Variants in LINGO1 observed in about 807,000 individuals in gnomAD.
The protein encoded by LINGO1 is leucine rich repeat and Ig domain containing 1, also known as leucine-rich repeat and immunoglobulin-like domain-containing nogo receptor-interacting protein 1.
In LINGO1, 11 loss-of-function variants were observed where a neutral mutation model predicts 37.3. The observed-to-expected ratio is 0.29, with a 90% CI of 0.19 to 0.49. LINGO1 has a LOEUF of 0.49. Among genes scored for constraint, LINGO1 ranks in the 20% least tolerant of loss-of-function variants. The pLI, the probability that LINGO1 is intolerant of heterozygous loss-of-function variation, is 0.99. For missense variants in LINGO1, 585 were observed against 878.2 expected, an observed-to-expected ratio of 0.67 and a Z score of 4.22; for synonymous variants, 387 against 403.0, an observed-to-expected ratio of 0.96 and a Z score of 0.48.
At chr15:77,644,983 G>A (rs968594018) in intron 3 of LINGO1, among the ~76,000 whole-genome samples, 19 of 152,182 alleles carry the variant, frequency 1.2e-4, no homozygotes, top group Non-Finnish European at 4.4e-5. Flanking sequence ...TCAAAACATG[G>A]GCGTTTACAC....
chr15:77,803,324 T>C (rs1201337816), intron 1 of LINGO1, among the ~76,000 whole-genome samples: 1 of 152,044 alleles, frequency 6.6e-6, no homozygotes, highest in African/African-American at 2.4e-5. Context: ...GGCACACACC[T>C]CTAGTCCCAG....
chr15:77,656,335 CCTT>C (rs142102783), intron 3 of LINGO1, among the ~76,000 whole-genome samples: 2 of 152,286 alleles, frequency 1.3e-5, no homozygotes, highest in South Asian at 2.1e-4. Flanking sequence ...CTCTCTCCCT[CCTT>C]GTCTTTTTCC....
chr15:77,772,996 G>C (rs1342002806), intron 1 of LINGO1, among the ~76,000 whole-genome samples: 1 of 152,172 alleles, frequency 6.6e-6, no homozygotes, highest in African/African-American at 2.4e-5. Flanking sequence ...AGCCTCACCT[G>C]GTCTATGGGC....
chr15:77,665,377 C>A (rs1331472803), intron 3 of LINGO1, among the ~76,000 whole-genome samples: 3 of 152,162 alleles, frequency 2.0e-5, no homozygotes, highest in Admixed American at 1.3e-4. Context: ...ACCCCAACAT[C>A]CTGCTAGAGG....
intron 2 of LINGO1, among the ~76,000 whole-genome samples, chr15:77,704,128 G>T (rs550148696): frequency 6.6e-6 from 1 of 152,258 alleles, no homozygotes; most frequent in Non-Finnish European, 1.5e-5. Flanking sequence ...AGTCCACAGG[G>T]TGCCTCACAC....
chr15:77,618,304 C>T (rs1408910369), intron 1 of LINGO1, among the ~76,000 whole-genome samples: 1 of 152,206 alleles, frequency 6.6e-6, no homozygotes, highest in African/African-American at 2.4e-5. Context: ...CGGGCCTCAA[C>T]CTGCCCACCC....
chr15:77,696,779 A>T (rs2075700976), upstream of LINGO1, among the ~76,000 whole-genome samples: 1 of 151,758 alleles, frequency 6.6e-6, no homozygotes, highest in Non-Finnish European at 1.5e-5. Flanking sequence ...AGCAGAACCG[A>T]CCCCTCTTCA....
chr15:77,748,500 G>A (rs755194833), intron 1 of LINGO1, among the ~76,000 whole-genome samples: 1 of 152,168 alleles, frequency 6.6e-6, no homozygotes, highest in East Asian at 1.9e-4. Context: ...GCCTCTGGGC[G>A]TGGCCAACCC....
intron 3 of LINGO1, among the ~76,000 whole-genome samples, chr15:77,659,693 G>T (rs577227504): frequency 6.6e-6 from 1 of 152,208 alleles, no homozygotes; most frequent in Admixed American, 6.5e-5. Flanking sequence ...TCCCACACAG[G>T]AACAGAGGAG....
At chr15:77,803,749 C>T (rs1011420965) in intron 1 of LINGO1, among the ~76,000 whole-genome samples, 5 of 152,086 alleles carry the variant, frequency 3.3e-5, no homozygotes, top group Non-Finnish European at 5.9e-5. Flanking sequence ...TGCCTGTTCC[C>T]GCTTCACCTT....
upstream of LINGO1, among the ~76,000 whole-genome samples, chr15:77,633,906 C>T (rs1202429913): frequency 6.6e-6 from 1 of 152,188 alleles, no homozygotes; most frequent in East Asian, 1.9e-4. Context: ...TATACTACCC[C>T]CTCCATCTCC....
chr15:77,689,212 G>A (rs1457034187), intron 2 of LINGO1, among the ~76,000 whole-genome samples: 1 of 152,116 alleles, frequency 6.6e-6, no homozygotes, highest in Non-Finnish European at 1.5e-5. Flanking sequence ...GTGTGGAAGA[G>A]GTTTCTCCAA....
At chr15:77,766,664 C>T (rs946940099) in intron 1 of LINGO1, among the ~76,000 whole-genome samples, 1 of 152,170 alleles carries the variant, frequency 6.6e-6, no homozygotes, top group African/African-American at 2.4e-5. Flanking sequence ...TGCTTGCACT[C>T]ACTCTGTCCT....
At chr15:77,814,047 A>G (rs1462085982) in intron 1 of LINGO1, among the ~76,000 whole-genome samples, 1 of 151,962 alleles carries the variant, frequency 6.6e-6, no homozygotes, top group Non-Finnish European at 1.5e-5. Context: ...TGAGAAATAC[A>G]GCAGATGCTG....
At chr15:77,809,921 G>C (rs1006096558) in intron 1 of LINGO1, among the ~76,000 whole-genome samples, 1 of 152,134 alleles carries the variant, frequency 6.6e-6, no homozygotes, top group Non-Finnish European at 1.5e-5. Context: ...CTGTGGGTCT[G>C]GTGGCGCTGC....
intron 2 of LINGO1, among the ~76,000 whole-genome samples, chr15:77,729,519 G>A (rs899397818): frequency 4.6e-5 from 7 of 152,220 alleles, no homozygotes; most frequent in Admixed American, 6.5e-5. Flanking sequence ...AGCATCAGGG[G>A]CTGTGGCCCA....
intron 2 of LINGO1, among the ~76,000 whole-genome samples, chr15:77,722,431 G>A (rs1246267024): frequency 2.0e-5 from 3 of 152,214 alleles, no homozygotes; most frequent in Non-Finnish European, 4.4e-5. Flanking sequence ...AGAGGAATGA[G>A]CACTGGCTTT....
chr15:77,687,194 G>A (rs1464948574), intron 2 of LINGO1, among the ~76,000 whole-genome samples: 1 of 152,142 alleles, frequency 6.6e-6, no homozygotes, highest in Non-Finnish European at 1.5e-5. Context: ...CTTACTGTAG[G>A]ACCAGAATGA....
chr15:77,811,208 C>T (rs551510198), intron 1 of LINGO1, among the ~76,000 whole-genome samples: 2 of 152,352 alleles, frequency 1.3e-5, no homozygotes, highest in East Asian at 3.9e-4. Flanking sequence ...AGAGGCTCCC[C>T]TGGCCCTGCA....
Sources: allele counts gnomAD v4.1 joint callset (sites outside exome capture counted in the v4.1 genomes callset), GRCh38; gene constraint gnomAD v4.1.1; transcripts MANE v1.5; gene names NCBI Gene and HGNC (gene_info 2026-07-23, HGNC 2026-07-21).